The following PRELID2 variants were observed in gnomAD, a reference collection of about 807,000 sequenced individuals.
The protein encoded by PRELID2 is PRELI domain containing 2, also known as PRELI domain-containing protein 2.
A neutral mutation model predicts 28.4 loss-of-function variants in PRELID2; 25 were observed. That is an observed-to-expected ratio of 0.88 (90% CI 0.64 to 1.23). The LOEUF (loss-of-function observed/expected upper bound fraction) is 1.23. PRELID2 is among the 50% of genes most tolerant of loss of function. The probability of loss-of-function intolerance (pLI) is 0.00; values close to 1 mark genes in which losing one functional copy is unlikely to be tolerated. For missense variants in PRELID2, 201 were observed against 214.4 expected, an observed-to-expected ratio of 0.94 and a Z score of 0.39; for synonymous variants, 76 against 71.6, an observed-to-expected ratio of 1.06 and a Z score of -0.31.
chr5:145,254,986 A>G, the PRELID2 span, among the ~76,000 whole-genome samples: 1 of 152,144 alleles, frequency 6.6e-6, no homozygotes, highest in African/African-American at 2.4e-5. Context: ...TAACTAAAGC[A>G]ACAGCAAATC....
intron 1 of PRELID2, among the ~76,000 whole-genome samples, chr5:145,586,626 A>G (rs1253237051): frequency 6.6e-6 from 1 of 152,136 alleles, no homozygotes; most frequent in East Asian, 1.9e-4. Flanking sequence ...CTCAATAAGA[A>G]CATAAGCTCC....
chr5:145,614,496 C>A (rs188789831), intron 1 of PRELID2, among the ~76,000 whole-genome samples: 235 of 152,298 alleles, frequency 1.5e-3, no homozygotes, highest in African/African-American at 5.6e-3. Context: ...TGATTTCTTT[C>A]AGCAGAGCTT....
intron 1 of PRELID2, among the ~76,000 whole-genome samples, chr5:145,623,889 T>A (rs1473431421): frequency 1.3e-5 from 2 of 152,114 alleles, no homozygotes; most frequent in Admixed American, 6.6e-5. Flanking sequence ...TAGCATCAGA[T>A]CCCACAAGTT....
intron 1 of PRELID2, among the ~76,000 whole-genome samples, chr5:145,525,809 C>T (rs895034778): frequency 2.0e-5 from 3 of 152,142 alleles, no homozygotes; most frequent in Non-Finnish European, 4.4e-5. Context: ...AAATCTGGGG[C>T]TTGCATTTAA....
chr5:145,735,328 A>G (rs1327248808), intron 1 of PRELID2, among the ~76,000 whole-genome samples: 1 of 152,092 alleles, frequency 6.6e-6, no homozygotes, highest in Non-Finnish European at 1.5e-5. Flanking sequence ...AAGAAATAGA[A>G]TAACCATACT....
the PRELID2 span, among the ~76,000 whole-genome samples, chr5:145,247,830 A>G: frequency 3.9e-5 from 6 of 152,206 alleles, 1 homozygote; most frequent in African/African-American, 1.2e-4. Flanking sequence ...GAGACATCCT[A>G]CATTCTAGTT....
At chr5:145,779,217 T>C (rs1758610472) in intron 5 of PRELID2, among the ~76,000 whole-genome samples, 1 of 152,170 alleles carries the variant, frequency 6.6e-6, no homozygotes, top group African/African-American at 2.4e-5. Context: ...GTACTAAGGA[T>C]AAAGTGGTAA....
At chr5:145,431,006 GTTTTTTTTTTTTTT>G in the PRELID2 span, among the ~76,000 whole-genome samples, 34 of 55,560 alleles carry the variant, frequency 6.1e-4, no homozygotes, top group South Asian at 8.4e-4. Flanking sequence ...CCTGGCAATG[GTTTTTTTTTTTTTT>G]TTTTTTTTTT....
intron 1 of PRELID2, among the ~76,000 whole-genome samples, chr5:145,745,352 T>C (rs947166689): frequency 2.6e-5 from 4 of 151,978 alleles, no homozygotes; most frequent in African/African-American, 9.7e-5. Context: ...AATTCGGAAA[T>C]AGAGAGAACA....
intron 1 of PRELID2, among the ~76,000 whole-genome samples, chr5:145,665,290 G>A (rs1228568621): frequency 1.3e-5 from 2 of 152,070 alleles, no homozygotes; most frequent in African/African-American, 2.4e-5. Context: ...TTCAATGTGA[G>A]CAGCAGAATT....
intron 1 of PRELID2, among the ~76,000 whole-genome samples, chr5:145,607,110 G>C (rs1243458838): frequency 6.6e-6 from 1 of 152,078 alleles, no homozygotes; most frequent in Non-Finnish European, 1.5e-5. Context: ...ATTTCTGATA[G>C]TGTTTATTTG....
At chr5:145,238,598 T>C in the PRELID2 span, among the ~76,000 whole-genome samples, 5 of 152,104 alleles carry the variant, frequency 3.3e-5, no homozygotes, top group African/African-American at 9.7e-5. Flanking sequence ...GAATGAAATG[T>C]TTTTTTCTTG....
the PRELID2 span, among the ~76,000 whole-genome samples, chr5:145,263,022 A>G: frequency 3.3e-5 from 5 of 152,138 alleles, no homozygotes; most frequent in African/African-American, 1.2e-4. Flanking sequence ...AGAAACCAAA[A>G]CAGAGCAGGA....
intron 4 of PRELID2, among the ~76,000 whole-genome samples, chr5:145,804,026 C>T (rs1354124584): frequency 1.3e-5 from 2 of 152,150 alleles, no homozygotes; most frequent in East Asian, 1.9e-4. Context: ...CTCTCCTAAG[C>T]GCTTTCCCTC....
chr5:145,416,999 AAC>A, the PRELID2 span, among the ~76,000 whole-genome samples: 2 of 151,828 alleles, frequency 1.3e-5, no homozygotes, highest in South Asian at 4.2e-4. Flanking sequence ...AAATTAATAA[AAC>A]AGACTGCAAG....
In PRELID2 at chr5:145,801,372, T is replaced by C. The variant is rs147753377; in HGVS notation, c.369-4825A>G. On this transcript the variant is annotated intron_variant, in intron 4 of 6. Transcript: ENST00000683046. ...TTGTAGCTTGTGTCTTAAGACTTTC[T>C]CCCCACCCTGTACTTGAAGTACATA... is the stretch of plus-strand genomic sequence containing the variant. Among the ~76,000 whole-genome samples, 496 of 152,246 alleles carry C rather than the reference T, an allele frequency of 3.3e-3. 1 individual carries two copies. Among genetic ancestry groups the C allele is most frequent in the Admixed American group, 7.4e-3 (113 of 15,272 alleles).
intron 1 of PRELID2, among the ~76,000 whole-genome samples, chr5:145,699,341 A>C (rs760383781): frequency 1.8e-4 from 28 of 152,026 alleles, no homozygotes; most frequent in Admixed American, 1.4e-3. Flanking sequence ...ATAATACCTA[A>C]CATTTGCAAG....
At chr5:145,348,474 C>A in the PRELID2 span, among the ~76,000 whole-genome samples, 1 of 152,050 alleles carries the variant, frequency 6.6e-6, no homozygotes, top group Admixed American at 6.6e-5. Flanking sequence ...TTCTCCCACC[C>A]CCAGTAGCAT....
intron 1 of PRELID2, among the ~76,000 whole-genome samples, chr5:145,721,778 G>A (rs964140668): frequency 5.3e-5 from 8 of 152,096 alleles, no homozygotes; most frequent in African/African-American, 1.9e-4. Flanking sequence ...ACAGGAAATA[G>A]AATTAATAAG....
Sources: allele counts gnomAD v4.1 joint callset (sites outside exome capture counted in the v4.1 genomes callset), GRCh38; gene constraint gnomAD v4.1.1; transcripts MANE v1.5; gene names NCBI Gene and HGNC (gene_info 2026-07-23, HGNC 2026-07-21).